Variants in DBNDD2 observed in about 807,000 individuals in gnomAD.
The protein encoded by DBNDD2 is dysbindin domain containing 2, also known as dysbindin domain-containing protein 2.
In DBNDD2, 8 loss-of-function variants were observed where a neutral mutation model predicts 14.0. That is an observed-to-expected ratio of 0.57 (90% confidence interval 0.33 to 1.03). The LOEUF (loss-of-function observed/expected upper bound fraction) is 1.03, where lower values mean the gene tolerates loss of function less well. Among genes scored for constraint, DBNDD2 ranks in the 50% least tolerant of loss-of-function variants. The pLI is 0.03. For synonymous variants in DBNDD2, 94 were observed against 85.3 expected, an observed-to-expected ratio of 1.10 and a Z score of -0.56; for missense variants, 194 against 206.0, an observed-to-expected ratio of 0.94 and a Z score of 0.36.
chr20:45,407,617 C>T (rs964628971), upstream of DBNDD2: 1 of 988,562 alleles, frequency 1.0e-6, no homozygotes, highest in African/African-American at 1.7e-5. Context: ...TGAACTGGAC[C>T]CAGAACCCGC....
chr20:45,408,569 C>A lies in DBNDD2; in HGVS notation c.102C>A (p.Val34=). 6.2e-7 allele frequency: 1 copy of A among 1,614,232 alleles called. No individual in the cohort carries two copies. The highest frequency in any genetic ancestry group is 8.5e-7 in the Non-Finnish European group (1 of 1,180,030). ...EDILQPETEF[V]FPLSHLHLES... ...TTTTACAGCCAGAGACAGAGTTTGT[C>A]TTTCCTCTGTCCCATCTGCATCTCG... The change falls in exon 1 of 3, where the codon GTC becomes GTA. Residue 34 remains valine, a synonymous_variant. Transcript: ENST00000372710.
At chr20:45,406,858 T>G, upstream of DBNDD2, 1 of 1,175,758 alleles carries the variant, frequency 8.5e-7, no homozygotes. Flanking sequence ...TGTCCCTTTT[T>G]AGGGAATTTT....
In DBNDD2 at chr20:45,410,410, T is replaced by C. The variant is rs1266318262; in HGVS notation, c.*270T>C. ...AGAGAGAAGATGAGGTTGGACAAGATGCCACTGCTTTTCTTAGCACTCTTC... is the reference window on the plus strand; with the variant it reads ...AGAGAGAAGATGAGGTTGGACAAGACGCCACTGCTTTTCTTAGCACTCTTC... On this transcript the variant is annotated 3_prime_UTR_variant, in exon 3 of 3. Coordinates refer to ENST00000372710, the MANE Select transcript of DBNDD2 (RefSeq NM_001048225.4). The C allele has an allele frequency of 1.3e-5, 6 of 466,796 alleles. No individual in the cohort carries two copies. Among genetic ancestry groups the C allele is most frequent in the Non-Finnish European group, 2.0e-5 (5 of 253,700 alleles). The allele number at this position is 466,796 out of a possible 1,614,324, so 28.9% of individuals were successfully genotyped here.
At chr20:45,409,300 G>A (rs1415067431) in intron 2 of DBNDD2, among the ~76,000 whole-genome samples, 3 of 152,096 alleles carry the variant, frequency 2.0e-5, no homozygotes, top group Non-Finnish European at 4.4e-5. Flanking sequence ...TACTTTAGTA[G>A]GTTCCAATAC....
chr20:45,406,204 C>A (rs1228978172), upstream of DBNDD2: 2 of 485,014 alleles, frequency 4.1e-6, no homozygotes, highest in Non-Finnish European at 7.3e-6. Flanking sequence ...TGGAGAAGTG[C>A]GCGCGTGTAA....
upstream of DBNDD2, chr20:45,406,496 C>A: frequency 6.6e-7 from 1 of 1,526,382 alleles, no homozygotes; most frequent in Non-Finnish European, 8.8e-7. Context: ...TACCAGTAGC[C>A]GCGCTCGCAG....
At chr20:45,408,693 C>T (rs563347411) in intron 1 of DBNDD2, 87 bp downstream of exon 1, 2 of 1,581,146 alleles carry the variant, frequency 1.3e-6, no homozygotes, top group East Asian at 4.5e-5. Flanking sequence ...TCTCTCCCCT[C>T]TGGTTTTCTT....
intron 1 of DBNDD2, 58 bp from the exon 2 acceptor site, chr20:45,408,743 C>T: frequency 6.3e-7 from 1 of 1,586,834 alleles, no homozygotes; most frequent in South Asian, 1.1e-5. Flanking sequence ...ACATGTAACT[C>T]TCACTGTCCT....
At chr20:45,407,875 T>G (rs1256654717), upstream of DBNDD2, 1 of 1,177,752 alleles carries the variant, frequency 8.5e-7, no homozygotes, top group Non-Finnish European at 1.1e-6. Context: ...GCCTGTGACT[T>G]CAGAGCAAGG....
chr20:45,409,939 C>T lies in DBNDD2; in HGVS notation c.285C>T (p.Asp95=). Reference sequence around the variant, plus strand: ...GCTTTTCTCTCTGGGCAGGGATGGACAACCATTTGGAGGAGCTGAGCCTGC... The same window carrying T: ...GCTTTTCTCTCTGGGCAGGGATGGATAACCATTTGGAGGAGCTGAGCCTGC... ...PPPTPQSSGM[D]NHLEELSLPV... Residue 95 remains aspartate (D), a synonymous_variant, in exon 3 of 3, where the codon GAC becomes GAT. Coordinates refer to ENST00000372710, the MANE Select transcript of DBNDD2 (RefSeq NM_001048225.4). The T allele has an allele frequency of 6.4e-7, 1 of 1,551,672 alleles. No individual in the cohort carries two copies. Among genetic ancestry groups the T allele is most frequent in the Non-Finnish European group, 8.7e-7 (1 of 1,146,994 alleles).
upstream of DBNDD2, chr20:45,407,767 G>T: frequency 9.8e-7 from 1 of 1,017,086 alleles, no homozygotes; most frequent in South Asian, 4.2e-5. Context: ...GCAGGGTCTT[G>T]TATTTGAGGC....
At chr20:45,407,304 C>T (rs993688153), upstream of DBNDD2, 1 of 986,166 alleles carries the variant, frequency 1.0e-6, no homozygotes, top group Non-Finnish European at 1.2e-6. Context: ...CACGGTCTCC[C>T]CAGACTTCCG....
At position 45,410,219 on chromosome 20, in the gene DBNDD2, A is replaced by G; in HGVS notation, c.*79A>G. The G allele has an allele frequency of 6.8e-7, 1 of 1,466,792 alleles. No homozygotes were observed. The highest frequency in any genetic ancestry group is 1.2e-5 in the South Asian group (1 of 80,122). The allele number at this position is 1,466,792 out of a possible 1,614,324, so 90.9% of individuals were successfully genotyped here. Reference sequence around the variant, plus strand: ...ACAGGCCCAGCCAGAGCCTGTCGGGAGAAGACCAGACTCTTTACTTGCAGT... The same window carrying G: ...ACAGGCCCAGCCAGAGCCTGTCGGGGGAAGACCAGACTCTTTACTTGCAGT... On this transcript the variant is annotated 3_prime_UTR_variant, in exon 3 of 3. Coordinates refer to ENST00000372710, the MANE Select transcript of DBNDD2 (RefSeq NM_001048225.4).
At chr20:45,408,638 G>C (rs755180264) in intron 1 of DBNDD2, 32 bp downstream of exon 1, 2 of 1,603,656 alleles carry the variant, frequency 1.2e-6, no homozygotes, top group Non-Finnish European at 1.7e-6. Flanking sequence ...GAGGGACTGG[G>C]GTAGGGTAGG....
chr20:45,407,147 T>G, upstream of DBNDD2: 1 of 241,856 alleles, frequency 4.1e-6, no homozygotes, highest in Non-Finnish European at 6.7e-6. Context: ...TCCCCCACCT[T>G]GGCCTCTCCC....
Position 45,408,828 on chromosome 20 carries a change from A to G in DBNDD2, c.167A>G (p.Glu56Gly), listed in dbSNP as rs1989656230. ...CCCATAGGTAGTATCTCATCCATGG[A>G]AGTGAATGTGGACACACTGGAGCAA... The part of the protein sequence containing the change: ...RPPIGSISSM[E>G]VNVDTLEQVE... Residue 56 changes from glutamate to glycine, a missense_variant, in exon 2 of 3, where the codon GAA (glutamate) becomes GGA (glycine). Physicochemically the swap from Glu to Gly is moderately conservative, Grantham distance 98. Coordinates refer to ENST00000372710, the MANE Select transcript of DBNDD2 (RefSeq NM_001048225.4). 1 of 1,614,062 alleles carries G rather than the reference A, an allele frequency of 6.2e-7. No individual in the cohort carries two copies. The highest frequency in any genetic ancestry group is 1.3e-5 in the African/African-American group (1 of 74,910).
upstream of DBNDD2, chr20:45,407,701 G>C (rs1261739434): frequency 1.0e-6 from 1 of 994,488 alleles, no homozygotes; most frequent in Middle Eastern, 5.2e-4. Flanking sequence ...GACGCATAAA[G>C]AGCTGTTGGA....
At chr20:45,407,369 T>A, upstream of DBNDD2, 1 of 985,766 alleles carries the variant, frequency 1.0e-6, no homozygotes, top group South Asian at 4.7e-5. Context: ...GTGGCGCCCG[T>A]GGAGCTGGCC....
upstream of DBNDD2, chr20:45,406,799 G>A: frequency 1.5e-5 from 19 of 1,246,382 alleles, no homozygotes; most frequent in Non-Finnish European, 1.9e-5. Flanking sequence ...GAGCACGAGG[G>A]GAACGGCCTT....
Sources: gnomAD v4.1 joint callset for allele counts (sites outside exome capture counted in the v4.1 genomes callset) on GRCh38, gnomAD v4.1.1 for gene constraint, MANE v1.5 for transcripts, NCBI Gene and HGNC (gene_info 2026-07-23, HGNC 2026-07-21) for gene names.